Variants in PDLIM5 observed in about 807,000 individuals in gnomAD.
PDLIM5 encodes the protein PDZ and LIM domain 5.
A neutral mutation model predicts 64.2 loss-of-function variants in PDLIM5; 34 were observed. The observed-to-expected ratio is 0.53, with a 90% CI of 0.40 to 0.71. PDLIM5 has a LOEUF of 0.71. Ranked by LOEUF, PDLIM5 falls within the 30% of genes least tolerant of loss-of-function variation. The pLI is 0.00. For synonymous variants in PDLIM5, 253 were observed against 269.1 expected, an observed-to-expected ratio of 0.94 and a Z score of 0.59; for missense variants, 683 against 733.6, an observed-to-expected ratio of 0.93 and a Z score of 0.80.
At chr4:94,570,670 T>A (rs1560710636) in intron 3 of PDLIM5, among the ~76,000 whole-genome samples, 1 of 152,206 alleles carries the variant, frequency 6.6e-6, no homozygotes, top group Non-Finnish European at 1.5e-5. Flanking sequence ...CCTTCTGCAC[T>A]CTTGAGTGCT....
At chr4:94,477,880 T>C (rs1560641945) in intron 2 of PDLIM5, among the ~76,000 whole-genome samples, 3 of 152,212 alleles carry the variant, frequency 2.0e-5, no homozygotes, top group African/African-American at 7.2e-5. Context: ...GAAGACCTTT[T>C]TGATGATCCA....
chr4:94,608,219 G>A, intron 7 of PDLIM5: 2 of 1,421,566 alleles, frequency 1.4e-6, no homozygotes, highest in South Asian at 1.3e-5. Context: ...TTCAAAGCTG[G>A]TAGTGAATTT....
At chr4:94,642,714 A>G (rs924017144) in intron 9 of PDLIM5, among the ~76,000 whole-genome samples, 3 of 152,216 alleles carry the variant, frequency 2.0e-5, no homozygotes, top group Non-Finnish European at 4.4e-5. Flanking sequence ...GATTGTGGTC[A>G]GTTCAGAGGC....
At chr4:94,538,057 T>C (rs548729281) in intron 3 of PDLIM5, among the ~76,000 whole-genome samples, 4 of 152,324 alleles carry the variant, frequency 2.6e-5, no homozygotes, top group Admixed American at 6.5e-5. Flanking sequence ...TGGAAACTTC[T>C]AGCAAGGAGT....
At chr4:94,534,686 TC>T (rs1731168980) in intron 3 of PDLIM5, among the ~76,000 whole-genome samples, 1 of 152,212 alleles carries the variant, frequency 6.6e-6, no homozygotes. Context: ...ATAAGTTTTC[TC>T]TCCTTTCTTC....
chr4:94,564,520 T>C (rs1734122823), intron 3 of PDLIM5, among the ~76,000 whole-genome samples: 2 of 152,142 alleles, frequency 1.3e-5, no homozygotes, highest in Admixed American at 1.3e-4. Context: ...TCTGACCCTT[T>C]TGTATAAAAT....
At chr4:94,630,754 G>A (rs1050965834) in intron 8 of PDLIM5, among the ~76,000 whole-genome samples, 2 of 152,018 alleles carry the variant, frequency 1.3e-5, no homozygotes, top group African/African-American at 4.8e-5. Context: ...TTAAAATAAG[G>A]AATCAAAATG....
At chr4:94,606,931 TC>T (rs1737973455) in intron 7 of PDLIM5, among the ~76,000 whole-genome samples, 1 of 152,264 alleles carries the variant, frequency 6.6e-6, no homozygotes, top group Non-Finnish European at 1.5e-5. Context: ...TATTGTTATT[TC>T]GATTTTCTTA....
intron 2 of PDLIM5, among the ~76,000 whole-genome samples, chr4:94,512,515 T>C (rs1728978125): frequency 6.6e-6 from 1 of 152,238 alleles, no homozygotes; most frequent in Non-Finnish European, 1.5e-5. Flanking sequence ...TGCATTTCTC[T>C]GATGATCAGT....
At chr4:94,481,570 C>G (rs912444758) in intron 2 of PDLIM5, among the ~76,000 whole-genome samples, 1 of 151,474 alleles carries the variant, frequency 6.6e-6, no homozygotes, top group Admixed American at 6.6e-5. Context: ...CATGAGCCAC[C>G]GCTGCCAGCC....
rs1348497112 is a variant in PDLIM5 at position 94,465,728 on chromosome 4, G to A, written c.96+10344G>A. 4.6e-5 allele frequency among the ~76,000 whole-genome samples: 7 copies of A among 152,246 alleles called. No individual in the cohort carries two copies. The East Asian group carries it at 1.4e-3, about 29-fold the overall frequency. On this transcript the variant is annotated intron_variant, in intron 2 of 12. Transcript: ENST00000317968. The stretch of plus-strand genomic sequence containing the variant: ...AGTACAATTTTAAATCTCTGATTTA[G>A]AGATGAAGAAACTGAGGGGCAGAGA...
intron 8 of PDLIM5, among the ~76,000 whole-genome samples, chr4:94,637,628 T>A (rs757948134): frequency 2.8e-4 from 42 of 152,220 alleles, no homozygotes; most frequent in Non-Finnish European, 5.0e-4. Context: ...GTAACTCTAA[T>A]TTAGTCTGAA....
chr4:94,580,015 T>C (rs4699299), intron 5 of PDLIM5, among the ~76,000 whole-genome samples: 38,275 of 152,020 alleles, frequency 0.25, 5,370 homozygotes, highest in East Asian at 0.38. Flanking sequence ...TACAGTTGTG[T>C]GTCAGTGGAT....
At chr4:94,653,935 A>G (rs1742024676) in intron 9 of PDLIM5, among the ~76,000 whole-genome samples, 2 of 152,204 alleles carry the variant, frequency 1.3e-5, no homozygotes, top group South Asian at 2.1e-4. Flanking sequence ...AGAAATAAAT[A>G]CATGAAAGAA....
intron 3 of PDLIM5, among the ~76,000 whole-genome samples, chr4:94,540,247 C>G (rs1001930850): frequency 6.6e-6 from 1 of 151,902 alleles, no homozygotes; most frequent in African/African-American, 2.4e-5. Flanking sequence ...ATTCTCCTGC[C>G]TCAGCCTCCT....
At chr4:94,606,600 A>C (rs1015195669) in intron 7 of PDLIM5, among the ~76,000 whole-genome samples, 1 of 152,216 alleles carries the variant, frequency 6.6e-6, no homozygotes, top group Non-Finnish European at 1.5e-5. Flanking sequence ...CAGGTAGCCC[A>C]AGATCACCTA....
intron 8 of PDLIM5, among the ~76,000 whole-genome samples, chr4:94,624,946 C>T (rs1221456522): frequency 6.6e-5 from 10 of 152,184 alleles, no homozygotes; most frequent in African/African-American, 1.7e-4. Context: ...TTTAAAAGAT[C>T]ATCATGACTT....
chr4:94,489,693 A>T (rs1726683795), intron 2 of PDLIM5, among the ~76,000 whole-genome samples: 1 of 152,148 alleles, frequency 6.6e-6, no homozygotes, highest in African/African-American at 2.4e-5. Context: ...TGGAAGGCCA[A>T]AGTGGAAGAA....
rs968765298 is a variant in PDLIM5, at chr4:94,667,650, A to T, written c.*3583A>T. ...ATAGGACAACTATAGTACCGTGTTT[A>T]TTTCCTATTAATTCAGGTTCCGTTT... On this transcript the variant is annotated 3_prime_UTR_variant, in exon 13 of 13. Coordinates refer to ENST00000317968, the MANE Select transcript of PDLIM5 (RefSeq NM_006457.5). 6.6e-6 allele frequency: 1 copy of T among 152,166 alleles called. No homozygotes were observed. The highest frequency in any genetic ancestry group is 6.5e-5 in the Admixed American group (1 of 15,284). The allele number at this position is 152,166 out of a possible 1,614,324, so 9.4% of individuals were successfully genotyped here.
Sources: gnomAD v4.1 joint callset for allele counts (sites outside exome capture counted in the v4.1 genomes callset) on GRCh38, gnomAD v4.1.1 for gene constraint, MANE v1.5 for transcripts, NCBI Gene and HGNC (gene_info 2026-07-23, HGNC 2026-07-21) for gene names.